Variants in KLHL22 observed in about 807,000 individuals in gnomAD.
KLHL22 encodes kelch like family member 22, also known as kelch-like protein 22.
KLHL22 carries 18 observed loss-of-function variants against 60.7 expected under a neutral mutation model. The ratio of observed to expected loss-of-function variants is 0.30; its 90% CI spans 0.20 to 0.44. The LOEUF (loss-of-function observed/expected upper bound fraction) is 0.44. KLHL22 is among the 20% of genes least tolerant of loss of function. KLHL22 has a pLI of 1.00. For synonymous variants in KLHL22, 355 were observed against 354.5 expected (o/e 1.00, Z -0.01); for missense variants, 596 against 852.3 (o/e 0.70, Z 3.74).
At chr22:20,447,163 C>T (rs1480099788) in intron 5 of KLHL22, among the ~76,000 whole-genome samples, 1 of 152,210 alleles carries the variant, frequency 6.6e-6, no homozygotes, top group Non-Finnish European at 1.5e-5. Flanking sequence ...GAAAAATACA[C>T]ATGGTTCTTG....
chr22:20,451,225 G>T, intron 5 of KLHL22: 4 of 1,599,906 alleles, frequency 2.5e-6, no homozygotes, highest in Non-Finnish European at 3.4e-6. Context: ...TGTCTGATGA[G>T]GTCTTGCTGG....
At chr22:20,479,663 TC>T (rs2053468293) in intron 2 of KLHL22, among the ~76,000 whole-genome samples, 1 of 152,050 alleles carries the variant, frequency 6.6e-6, no homozygotes, top group Admixed American at 6.6e-5. Flanking sequence ...GCCCCTGAAC[TC>T]CAGCCTAGGT....
At chr22:20,466,255 T>A (rs1392568906) in intron 3 of KLHL22, among the ~76,000 whole-genome samples, 2 of 150,290 alleles carry the variant, frequency 1.3e-5, no homozygotes, top group African/African-American at 4.9e-5. Flanking sequence ...GCGCCTGTAA[T>A]CCCAGCTACT....
rs2053217963 is a variant in KLHL22, at chr22:20,465,347, G to A, written c.623C>T (p.Ser208Phe). ...CCCCTCATATACCTCGGTCTCGCAG[G>A]AGACCTCCAGGCGATTGCTGCTGAG... The part of the protein sequence containing the change: ...SLLSSNRLEV[S>F]CETEVYEGAL... The change falls in exon 4 of 7, where the codon TCC (serine) becomes TTC (phenylalanine). Residue 208 changes from serine to phenylalanine, a missense_variant. Ser to Phe is a radical substitution (Grantham distance 155). Coordinates refer to ENST00000328879, the MANE Select transcript of KLHL22 (RefSeq NM_032775.4). The surrounding 1 kb of genome is among the most constrained non-coding windows in gnomAD (Gnocchi z 4.9). 2 of 1,614,022 alleles carry A rather than the reference G, an allele frequency of 1.2e-6. No homozygotes were observed. Among genetic ancestry groups the A allele is most frequent in the African/African-American group, 1.3e-5 (1 of 74,936 alleles).
chr22:20,462,215 T>A (rs2053166184), intron 4 of KLHL22, among the ~76,000 whole-genome samples: 1 of 145,524 alleles, frequency 6.9e-6, no homozygotes, highest in African/African-American at 2.6e-5. Flanking sequence ...AGGCAGAGGT[T>A]GCAGTGAGCC....
intron 1 of KLHL22, chr22:20,491,915 C>G (rs946415035): frequency 6.6e-6 from 1 of 152,374 alleles, no homozygotes; most frequent in Non-Finnish European, 1.5e-5. Flanking sequence ...TCCTTTCCCC[C>G]TCCTGGGCTG....
rs748578280 is a variant in KLHL22 at position 20,442,346 on chromosome 22, G to T, written c.1632C>A (p.Asn544Lys). Reference sequence around the variant, plus strand: ...AGCGGCCACCTAACACATAGATCCTGTTGTCCAGCACAGCAATGCCAGGCT... The same window carrying T: ...AGCGGCCACCTAACACATAGATCCTTTTGTCCAGCACAGCAATGCCAGGCT... ...HGEPGIAVLD[N>K]RIYVLGGRSH... Residue 544 changes from asparagine to lysine, a missense_variant, in exon 7 of 7, where the codon AAC becomes AAA. Asn to Lys is a moderately conservative substitution (Grantham distance 94). Transcript: ENST00000328879. 3 of 1,613,968 alleles carry T rather than the reference G, an allele frequency of 1.9e-6. No homozygotes were observed. Among genetic ancestry groups the T allele is most frequent in the Non-Finnish European group, 2.5e-6 (3 of 1,180,010 alleles).
At chr22:20,494,079 C>CCCG (rs1555915705) in intron 1 of KLHL22, among the ~76,000 whole-genome samples, 1 of 144,992 alleles carries the variant, frequency 6.9e-6, no homozygotes, top group Non-Finnish European at 1.5e-5. Flanking sequence ...ACTTTGCCCC[C>CCCG]CCCCCAAAAA....
chr22:20,442,337 A>G lies in KLHL22; in HGVS notation c.1641T>C (p.Tyr547=), dbSNP rs2052774309. The G allele has an allele frequency of 6.2e-7, 1 of 1,613,856 alleles. No homozygotes were observed. The change falls in exon 7 of 7, where the codon TAT becomes TAC. Residue 547 remains tyrosine (Y), a synonymous_variant. Coordinates refer to ENST00000328879, the MANE Select transcript of KLHL22 (RefSeq NM_032775.4). ...PGIAVLDNRI[Y]VLGGRSHNRG... is the part of the protein sequence containing the mutation. Reference sequence around the variant, plus strand: ...GGTTGTGTGAGCGGCCACCTAACACATAGATCCTGTTGTCCAGCACAGCAA... The same window carrying G: ...GGTTGTGTGAGCGGCCACCTAACACGTAGATCCTGTTGTCCAGCACAGCAA...
At chr22:20,462,697 T>A (rs2053175135) in intron 4 of KLHL22, among the ~76,000 whole-genome samples, 1 of 152,058 alleles carries the variant, frequency 6.6e-6, no homozygotes, top group Non-Finnish European at 1.5e-5. Context: ...CATAGCAACA[T>A]GTAACCAGCT....
intron 2 of KLHL22, among the ~76,000 whole-genome samples, chr22:20,474,479 C>T (rs1394162718): frequency 6.6e-6 from 1 of 152,200 alleles, no homozygotes; most frequent in African/African-American, 2.4e-5. Context: ...GCAACCTCCG[C>T]CTCCCGGGTT....
At chr22:20,457,031 G>A (rs1033468025) in intron 5 of KLHL22, among the ~76,000 whole-genome samples, 8 of 134,708 alleles carry the variant, frequency 5.9e-5, no homozygotes, top group Admixed American at 5.6e-4. Context: ...GCCCTGCTAG[G>A]GTACCCCTAG....
chr22:20,463,901 G>T (rs2053191522), intron 4 of KLHL22, among the ~76,000 whole-genome samples: 1 of 152,156 alleles, frequency 6.6e-6, no homozygotes, highest in African/African-American at 2.4e-5. Flanking sequence ...GCCAGGCCAG[G>T]CCCTACCCCA....
intron 5 of KLHL22, 21 bp downstream of exon 5, chr22:20,457,787 C>G (rs762173223): frequency 6.4e-7 from 1 of 1,560,132 alleles, no homozygotes; most frequent in Non-Finnish European, 8.7e-7. Context: ...GGAGAAGGCC[C>G]CTCTTCGAGG....
chr22:20,477,227 T>C (rs2053429574), intron 2 of KLHL22, among the ~76,000 whole-genome samples: 1 of 151,682 alleles, frequency 6.6e-6, no homozygotes, highest in Non-Finnish European at 1.5e-5. Context: ...ACCTCATCTC[T>C]ACTAAAAGTA....
intron 4 of KLHL22, among the ~76,000 whole-genome samples, chr22:20,464,467 A>G (rs1287865805): frequency 6.6e-6 from 1 of 152,192 alleles, no homozygotes; most frequent in African/African-American, 2.4e-5. Flanking sequence ...CAGAGAGAGC[A>G]TGATGGAGGG....
chr22:20,459,414 C>T (rs1188598323), intron 4 of KLHL22, among the ~76,000 whole-genome samples: 1 of 152,188 alleles, frequency 6.6e-6, no homozygotes, highest in East Asian at 1.9e-4. Context: ...CCTGGGTCTC[C>T]CTGACCTGGT....
At chr22:20,463,850 C>A (rs1221544669) in intron 4 of KLHL22, among the ~76,000 whole-genome samples, 3 of 152,236 alleles carry the variant, frequency 2.0e-5, no homozygotes, top group Admixed American at 2.0e-4. Flanking sequence ...TGGCCTTCTC[C>A]TCCTTGGCCA....
chr22:20,453,416 C>A (rs2053011136), intron 5 of KLHL22, among the ~76,000 whole-genome samples: 1 of 152,160 alleles, frequency 6.6e-6, no homozygotes, highest in Admixed American at 6.5e-5. Context: ...CTTTCCTCCA[C>A]TCAATTGTTT....
Sources: allele counts gnomAD v4.1 joint callset (sites outside exome capture counted in the v4.1 genomes callset), GRCh38; gene constraint gnomAD v4.1.1; non-coding constraint Gnocchi (gnomAD v3.1); transcripts MANE v1.5; gene names NCBI Gene and HGNC (gene_info 2026-07-23, HGNC 2026-07-21).